EVI5: variants seen among roughly 807,000 people sequenced by gnomAD.
EVI5 encodes ecotropic viral integration site 5 protein homolog.
EVI5 carries 73 observed loss-of-function variants against 112.0 expected under a neutral mutation model. The observed-to-expected ratio is 0.65, with a 90% CI of 0.54 to 0.79. The LOEUF (loss-of-function observed/expected upper bound fraction) is 0.79, where lower values mean the gene tolerates loss of function less well. Among genes scored for constraint, EVI5 ranks in the 30% least tolerant of loss-of-function variants. The pLI is 0.00. For synonymous variants in EVI5, 305 were observed against 319.9 expected (o/e 0.95, Z 0.50); for missense variants, 900 against 968.8 (o/e 0.93, Z 0.94).
intron 9 of EVI5, among the ~76,000 whole-genome samples, chr1:92,692,410 C>T (rs562771398): frequency 1.3e-5 from 2 of 152,220 alleles, no homozygotes; most frequent in South Asian, 4.2e-4. Context: ...CAAGGCACAG[C>T]GGCTTTTTGT....
chr1:92,551,998 T>G (rs78932299), intron 19 of EVI5, among the ~76,000 whole-genome samples: 1,936 of 152,142 alleles, frequency 0.013, 46 homozygotes, highest in African/African-American at 0.043. Flanking sequence ...TAATAAACAG[T>G]TTTTCAGTTT....
intron 14 of EVI5, among the ~76,000 whole-genome samples, chr1:92,630,401 C>T (rs1401122810): frequency 2.0e-5 from 3 of 152,260 alleles, no homozygotes; most frequent in East Asian, 1.9e-4. Flanking sequence ...TTTTGATTTG[C>T]ATTTCTCTGA....
chr1:92,730,537 C>G (rs1245093508), intron 2 of EVI5, among the ~76,000 whole-genome samples: 1 of 150,886 alleles, frequency 6.6e-6, no homozygotes, highest in East Asian at 2.0e-4. Flanking sequence ...AAAAAATTAA[C>G]CAAGTGTAGT....
In EVI5 at chr1:92,639,514, G is replaced by C. The variant is rs143011689; in HGVS notation, c.1393-3178C>G. 5.9e-5 allele frequency among the ~76,000 whole-genome samples: 9 copies of C among 151,968 alleles called. No homozygotes were observed. In the East Asian group the frequency reaches 1.2e-3, roughly 20 times the overall value. On this transcript the variant is annotated intron_variant, in intron 13 of 19. Transcript: ENST00000684568. ...GAAAAAAAATTGAAATTAGAAAAAG[G>C]GTTGTCCATGCAAATGTATCCAATA...
chr1:92,583,359 A>G (rs1571692841), intron 18 of EVI5, among the ~76,000 whole-genome samples: 2 of 151,874 alleles, frequency 1.3e-5, no homozygotes, highest in African/African-American at 2.4e-5. Flanking sequence ...AAAATACAAA[A>G]AATTAGCTGG....
chr1:92,762,151 C>T (rs193275112), intron 1 of EVI5, among the ~76,000 whole-genome samples: 21 of 152,212 alleles, frequency 1.4e-4, no homozygotes, highest in Middle Eastern at 3.4e-3. Flanking sequence ...AATGGTAACA[C>T]GACAATTATC....
rs1327853811 is a variant in EVI5, at chr1:92,698,926, A to T, written c.640-941T>A. Among the ~76,000 whole-genome samples, 6 of 152,244 alleles carry T rather than the reference A, an allele frequency of 3.9e-5. No homozygotes were observed. In the South Asian group the frequency reaches 8.3e-4, roughly 21 times the overall value. On this transcript the variant is annotated intron_variant, in intron 5 of 19. Coordinates refer to ENST00000684568, the MANE Select transcript of EVI5 (RefSeq NM_001350197.2). ...TCTGTAAAGAGCTACAAAGATATTC[A>T]GAATACTTAGGCAAATAACTATCCA...
At chr1:92,594,853 A>C (rs1647281806) in intron 18 of EVI5, among the ~76,000 whole-genome samples, 1 of 151,898 alleles carries the variant, frequency 6.6e-6, no homozygotes, top group Admixed American at 6.6e-5. Context: ...AATGCAAATC[A>C]AAACCACAAT....
chr1:92,665,945 T>A lies in EVI5; in HGVS notation c.1206A>T (p.Leu402Phe). The change falls in exon 11 of 20, where the codon TTA (leucine) becomes TTT (phenylalanine). Residue 402 changes from leucine to phenylalanine, a missense_variant. By Grantham distance (22) the Leu-to-Phe change is conservative (BLOSUM62 0). Coordinates refer to ENST00000684568, the MANE Select transcript of EVI5 (RefSeq NM_001350197.2). ...NRLLKQRIET[L>F]EKESASLADR... ...TAAGTAGTCACTTACTTACTTTTTC[T>A]AATGTCTCGATGCGCTGTTTTAAAA... 6.2e-7 allele frequency: 1 copy of A among 1,602,648 alleles called. No individual in the cohort carries two copies. Among genetic ancestry groups the A allele is most frequent in the Non-Finnish European group, 8.5e-7 (1 of 1,175,044 alleles).
chr1:92,764,491 C>T (rs746770899), intron 1 of EVI5, among the ~76,000 whole-genome samples: 8 of 152,112 alleles, frequency 5.3e-5, no homozygotes, highest in Non-Finnish European at 1.0e-4. Flanking sequence ...TCCAATGTAA[C>T]GAAAAATACC....
intron 10 of EVI5, 45 bp from the exon 11 acceptor site, chr1:92,666,037 A>C (rs201274269): frequency 1.1e-4 from 140 of 1,254,548 alleles, no homozygotes; most frequent in Middle Eastern, 1.9e-4. Flanking sequence ...TTTTGAGAGG[A>C]AAAAAAAGAT....
chr1:92,639,587 T>C (rs1016321445), intron 13 of EVI5, among the ~76,000 whole-genome samples: 9 of 152,180 alleles, frequency 5.9e-5, no homozygotes, highest in Non-Finnish European at 1.2e-4. Context: ...GTTCAAGATA[T>C]GACATTTATA....
At chr1:92,668,815 T>C (rs1218383292) in intron 10 of EVI5, among the ~76,000 whole-genome samples, 2 of 152,212 alleles carry the variant, frequency 1.3e-5, no homozygotes, top group Non-Finnish European at 2.9e-5. Context: ...TTAAAACTAA[T>C]ATCACAGTAT....
chr1:92,615,944 C>A (rs1653029597), intron 16 of EVI5, among the ~76,000 whole-genome samples: 1 of 152,160 alleles, frequency 6.6e-6, no homozygotes, highest in African/African-American at 2.4e-5. Context: ...GTGGAAGGAA[C>A]AGAGTTGGAT....
chr1:92,775,166 G>T (rs140485101), intron 1 of EVI5, among the ~76,000 whole-genome samples: 1 of 152,196 alleles, frequency 6.6e-6, no homozygotes, highest in Non-Finnish European at 1.5e-5. Context: ...AGTGGCTCAC[G>T]CCTGTAATCC....
intron 18 of EVI5, among the ~76,000 whole-genome samples, chr1:92,595,857 T>C (rs910596461): frequency 6.6e-5 from 10 of 152,218 alleles, no homozygotes; most frequent in Non-Finnish European, 4.4e-5. Context: ...GTAACTTTAG[T>C]TGTATAATAA....
chr1:92,589,423 T>C (rs973499310), intron 18 of EVI5, among the ~76,000 whole-genome samples: 1 of 152,154 alleles, frequency 6.6e-6, no homozygotes, highest in African/African-American at 2.4e-5. Context: ...ACCCCAATAC[T>C]GCACTTTTCC....
chr1:92,508,722 G>A lies in EVI5; in HGVS notation c.*4934C>T, dbSNP rs1659008764. 6.6e-6 allele frequency: 1 copy of A among 152,542 alleles called. No individual in the cohort carries two copies. Among genetic ancestry groups the A allele is most frequent in the Non-Finnish European group, 1.5e-5 (1 of 68,018 alleles). The allele number at this position is 152,542 out of a possible 1,614,324, so 9.4% of individuals were successfully genotyped here. A position where few individuals can be genotyped will look rare whatever the true frequency, so the allele number is the denominator to read the frequency against. On this transcript the variant is annotated 3_prime_UTR_variant, in exon 20 of 20. Coordinates refer to ENST00000684568, the MANE Select transcript of EVI5 (RefSeq NM_001350197.2). ...TCTTATAAAATGGAAAACTTTAATT[G>A]TTTAAAGAAAAGGCACAAGTAAACA...
chr1:92,519,984 G>C (rs1306556133), intron 19 of EVI5, among the ~76,000 whole-genome samples: 1 of 150,924 alleles, frequency 6.6e-6, no homozygotes, highest in African/African-American at 2.4e-5. Flanking sequence ...GAAATGTCCA[G>C]AACAGGCAAA....
Sources: gnomAD v4.1 joint callset for allele counts (sites outside exome capture counted in the v4.1 genomes callset) on GRCh38, gnomAD v4.1.1 for gene constraint, MANE v1.5 for transcripts, NCBI Gene and HGNC (gene_info 2026-07-23, HGNC 2026-07-21) for gene names.